The following ROBO2 variants were observed in gnomAD, a reference collection of about 807,000 sequenced individuals.
ROBO2 encodes the protein roundabout guidance receptor 2.
Under a neutral mutation model 160.8 loss-of-function variants are expected in ROBO2, and 53 were observed. The ratio of observed to expected loss-of-function variants is 0.33; its 90% CI spans 0.26 to 0.41. The LOEUF (loss-of-function observed/expected upper bound fraction) is 0.41. Among genes scored for constraint, ROBO2 ranks in the 10% least tolerant of loss-of-function variants. The probability of loss-of-function intolerance (pLI) is 1.00; values close to 1 mark genes in which losing one functional copy is unlikely to be tolerated. For missense variants in ROBO2, 1,577 were observed against 1,722.4 expected, an observed-to-expected ratio of 0.92 and a Z score of 1.49; for synonymous variants, 664 against 611.7, an observed-to-expected ratio of 1.09 and a Z score of -1.26.
At chr3:76,498,248 A>G (rs868269365) in intron 2 of ROBO2, among the ~76,000 whole-genome samples, 31 of 152,198 alleles carry the variant, frequency 2.0e-4, no homozygotes, top group Non-Finnish European at 2.4e-4. Context: ...ACATAATTGT[A>G]TGATGTTCTA....
intron 2 of ROBO2, among the ~76,000 whole-genome samples, chr3:76,630,500 G>C (rs1011334561): frequency 4.1e-5 from 6 of 147,292 alleles, no homozygotes; most frequent in African/African-American, 1.6e-4. Context: ...TATGTGACCA[G>C]AAATATGCTG....
intron 2 of ROBO2, among the ~76,000 whole-genome samples, chr3:76,263,763 T>C (rs978130110): frequency 2.6e-5 from 4 of 152,292 alleles, no homozygotes; most frequent in African/African-American, 9.6e-5. Flanking sequence ...TAAAGATACA[T>C]GCACGTGTAT....
chr3:76,928,282 A>G (rs1280307427), intron 2 of ROBO2, among the ~76,000 whole-genome samples: 2 of 152,132 alleles, frequency 1.3e-5, no homozygotes, highest in Non-Finnish European at 2.9e-5. Context: ...AATTCCCCCC[A>G]GAGCTTCTAG....
intron 2 of ROBO2, among the ~76,000 whole-genome samples, chr3:76,324,635 A>G (rs1181281522): frequency 6.6e-6 from 1 of 152,214 alleles, no homozygotes; most frequent in Non-Finnish European, 1.5e-5. Flanking sequence ...TCTAATTTTC[A>G]AAAGTACATG....
At chr3:76,089,921 A>C (rs1340933266) in intron 2 of ROBO2, among the ~76,000 whole-genome samples, 1 of 152,164 alleles carries the variant, frequency 6.6e-6, no homozygotes, top group African/African-American at 2.4e-5. Flanking sequence ...TTGACATAAA[A>C]AAATCCAAAA....
intron 2 of ROBO2, among the ~76,000 whole-genome samples, chr3:76,567,833 T>C: frequency 7.8e-6 from 1 of 128,088 alleles, no homozygotes; most frequent in Non-Finnish European, 1.6e-5. Flanking sequence ...TGGGGGGGGT[T>C]GGACAGAGTC....
rs143222163 is a variant in ROBO2, at chr3:77,513,916, C to T, written c.807-8859C>T. Among the ~76,000 whole-genome samples, 10 of 151,784 alleles carry T rather than the reference C, an allele frequency of 6.6e-5. No individual in the cohort carries two copies. The East Asian group carries it at 2.0e-3, about 30-fold the overall frequency. The stretch of plus-strand genomic sequence containing the variant: ...CTCTATGGTGGGGACTGTCGGCACA[C>T]GATTGTACAACTCTCATTAATCAAA... On this transcript the variant is annotated intron_variant, in intron 5 of 25. Coordinates refer to ENST00000461745, the Ensembl canonical transcript of ROBO2.
chr3:76,128,258 G>C (rs1013330612), intron 2 of ROBO2, among the ~76,000 whole-genome samples: 2 of 152,030 alleles, frequency 1.3e-5, no homozygotes, highest in African/African-American at 4.8e-5. Flanking sequence ...TTTACACACA[G>C]TTATGGGCCC....
chr3:76,899,374 A>G (rs534868090), intron 2 of ROBO2, among the ~76,000 whole-genome samples: 1 of 152,296 alleles, frequency 6.6e-6, no homozygotes, highest in Non-Finnish European at 1.5e-5. Context: ...GCACAGAATA[A>G]CAATACAACG....
At chr3:76,502,865 T>G (rs1038818369) in intron 2 of ROBO2, among the ~76,000 whole-genome samples, 3 of 152,106 alleles carry the variant, frequency 2.0e-5, no homozygotes, top group Non-Finnish European at 4.4e-5. Flanking sequence ...AACAGCAAAC[T>G]TGGCAAGAAA....
exon 20 of ROBO2, chr3:77,602,475 G>C (rs367630333): frequency 1.9e-5 from 31 of 1,613,970 alleles, no homozygotes; most frequent in Non-Finnish European, 2.1e-5. Flanking sequence ...TACCTGATCA[G>C]AACAAAGGTA....
chr3:77,244,947 A>C (rs969471672), intron 2 of ROBO2, among the ~76,000 whole-genome samples: 1 of 56,376 alleles, frequency 1.8e-5, no homozygotes, highest in Non-Finnish European at 3.2e-5. Flanking sequence ...TGAACAAATG[A>C]ACAGCTTTTT....
chr3:77,186,265 A>T (rs188264368), intron 2 of ROBO2, among the ~76,000 whole-genome samples: 4 of 152,046 alleles, frequency 2.6e-5, no homozygotes, highest in Admixed American at 2.6e-4. Flanking sequence ...GATTAAAATG[A>T]AGTTAGTGGG....
intron 2 of ROBO2, among the ~76,000 whole-genome samples, chr3:76,142,946 A>AAAT (rs1328088249): frequency 3.3e-5 from 5 of 151,738 alleles, no homozygotes; most frequent in African/African-American, 1.2e-4. Context: ...GTACCCACAA[A>AAAT]AATAAAAATA....
intron 2 of ROBO2, among the ~76,000 whole-genome samples, chr3:76,033,293 TACACACAC>T (rs34043265): frequency 1.5e-3 from 230 of 149,616 alleles, no homozygotes; most frequent in African/African-American, 5.4e-3. Flanking sequence ...CTGTGACACA[TACACACAC>T]ACACACACAC....
chr3:77,327,845 T>A (rs2065573963), intron 2 of ROBO2, among the ~76,000 whole-genome samples: 1 of 150,212 alleles, frequency 6.7e-6, no homozygotes, highest in Non-Finnish European at 1.5e-5. Flanking sequence ...AGGTCAGGAG[T>A]TTGAGACTAG....
At chr3:77,477,491 C>G (rs1373488419) in exon 3 of ROBO2, 1 of 1,613,786 alleles carries the variant, frequency 6.2e-7, no homozygotes, top group Non-Finnish European at 8.5e-7. Context: ...GGAGTGCCAG[C>G]CTCCCCGGGG....
At chr3:77,414,486 G>T (rs926553307) in intron 2 of ROBO2, among the ~76,000 whole-genome samples, 1 of 152,198 alleles carries the variant, frequency 6.6e-6, no homozygotes, top group Admixed American at 6.5e-5. Context: ...AAGGAAAAGC[G>T]TGTCCATATG....
At chr3:77,425,610 T>G (rs2078120538) in intron 2 of ROBO2, among the ~76,000 whole-genome samples, 1 of 150,796 alleles carries the variant, frequency 6.6e-6, no homozygotes, top group Non-Finnish European at 1.5e-5. Context: ...GATGGGGTGA[T>G]CAGGAATAGT....
Sources: allele counts gnomAD v4.1 joint callset (sites outside exome capture counted in the v4.1 genomes callset), GRCh38; gene constraint gnomAD v4.1.1; transcripts MANE v1.5; gene names NCBI Gene and HGNC (gene_info 2026-07-23, HGNC 2026-07-21).